FAM162B: variants seen among roughly 807,000 people sequenced by gnomAD.
FAM162B encodes family with sequence similarity 162 member B.
FAM162B carries 16 observed loss-of-function variants against 20.0 expected under a neutral mutation model. The observed-to-expected ratio is 0.80, with a 90% CI of 0.54 to 1.21. The LOEUF is 1.21. Among genes scored for constraint, FAM162B ranks in the 50% most tolerant of loss-of-function variants. The probability of loss-of-function intolerance (pLI) is 0.00; values close to 1 mark genes in which losing one functional copy is unlikely to be tolerated. For synonymous variants in FAM162B, 83 were observed against 89.7 expected, an observed-to-expected ratio of 0.93 and a Z score of 0.42; for missense variants, 260 against 227.5, an observed-to-expected ratio of 1.14 and a Z score of -0.92.
At chr6:116,753,035 G>C (rs1780010426) in intron 3 of FAM162B, among the ~76,000 whole-genome samples, 1 of 151,958 alleles carries the variant, frequency 6.6e-6, no homozygotes, top group African/African-American at 2.4e-5. Flanking sequence ...TACCTAGTGT[G>C]CATCTCACAT....
chr6:116,760,705 TCAGTC>T (rs555297416), intron 3 of FAM162B, among the ~76,000 whole-genome samples: 2 of 152,220 alleles, frequency 1.3e-5, no homozygotes, highest in South Asian at 2.1e-4. Flanking sequence ...GCTTGAGTGT[TCAGTC>T]CAGTAAACAT....
At chr6:116,759,622 C>G (rs1340115367) in intron 3 of FAM162B, among the ~76,000 whole-genome samples, 1 of 152,070 alleles carries the variant, frequency 6.6e-6, no homozygotes, top group Non-Finnish European at 1.5e-5. Context: ...TTTATTTTCA[C>G]TGGGTTTTGA....
At chr6:116,761,729 T>TAC (rs1297357715) in intron 3 of FAM162B, among the ~76,000 whole-genome samples, 2 of 132,376 alleles carry the variant, frequency 1.5e-5, no homozygotes, top group African/African-American at 5.3e-5. Flanking sequence ...TATATACTTA[T>TAC]ATATACACAC....
chr6:116,765,353 C>T (rs1771890056), intron 1 of FAM162B, 52 bp downstream of exon 1: 1 of 1,515,992 alleles, frequency 6.6e-7, no homozygotes, highest in Non-Finnish European at 8.9e-7. Flanking sequence ...CCCTCGCTGC[C>T]CTCCCGCAAC....
At position 116,765,710 on chromosome 6, in the gene FAM162B, T is replaced by C. The variant is rs1582438654; in HGVS notation, c.-134A>G. ...GACGTGCAGCTGGAACCCCTGGCGCTCGCACACTCAGCTCGCTATCCCCGT... is the reference window on the plus strand; with the variant it reads ...GACGTGCAGCTGGAACCCCTGGCGCCCGCACACTCAGCTCGCTATCCCCGT... On this transcript the variant is annotated 5_prime_UTR_variant, in exon 1 of 4. Coordinates refer to ENST00000368557, the MANE Select transcript of FAM162B (RefSeq NM_001085480.3). 13 of 1,043,754 alleles carry C rather than the reference T, an allele frequency of 1.2e-5. No individual in the cohort carries two copies. The East Asian group carries it at 4.2e-4, about 34-fold the overall frequency. 64.7% of individuals were successfully genotyped at this position (1,043,754 alleles called of 1,614,324 possible).
chr6:116,762,557 A>G (rs548101), intron 2 of FAM162B, among the ~76,000 whole-genome samples: 71,747 of 151,506 alleles, frequency 0.47, 17,408 homozygotes, highest in Middle Eastern at 0.63. Context: ...TTGTCCCTTC[A>G]CATGCTACCC....
intron 2 of FAM162B, among the ~76,000 whole-genome samples, chr6:116,764,861 G>C (rs1171086076): frequency 6.6e-6 from 1 of 152,184 alleles, no homozygotes; most frequent in African/African-American, 2.4e-5. Context: ...CTCCCAGTTC[G>C]GAGCTTGCTG....
At chr6:116,757,770 A>G (rs147392830) in intron 3 of FAM162B, among the ~76,000 whole-genome samples, 15 of 148,942 alleles carry the variant, frequency 1.0e-4, no homozygotes, top group South Asian at 2.2e-4. Context: ...AAAAAAAAAA[A>G]GGGGTGGGGT....
chr6:116,760,927 A>G (rs1316726239), intron 3 of FAM162B, among the ~76,000 whole-genome samples: 4 of 152,216 alleles, frequency 2.6e-5, no homozygotes, highest in Non-Finnish European at 5.9e-5. Context: ...AAATACGCCC[A>G]GAGAGTGAGG....
Position 116,762,066 on chromosome 6 carries a change from C to T in FAM162B, c.301G>A (p.Ala101Thr), listed in dbSNP as rs1468062485. 3.8e-6 allele frequency: 6 copies of T among 1,587,690 alleles called. No individual in the cohort carries two copies. The highest frequency in any genetic ancestry group is 3.4e-5 in the Admixed American group (2 of 59,378). ...PRIPPEMIDT[A>T]RNKARVKACY... ...GCTTTCACTCGAGCTTTGTTTCTTG[C>T]GGTGTCTATCATTTCTGGCCTAAAC... Residue 101 changes from alanine (A) to threonine (T), a missense_variant, in exon 3 of 4, where the codon GCA becomes ACA. By Grantham distance (58) the Ala-to-Thr change is moderately conservative. Coordinates refer to ENST00000368557, the MANE Select transcript of FAM162B (RefSeq NM_001085480.3).
rs10556522 is a variant in FAM162B at position 116,752,711 on chromosome 6, A to AATAT, written c.391-20_391-17dup. On this transcript the variant is annotated splice_polypyrimidine_tract_variant and intron_variant, in intron 3 of 3. Transcript: ENST00000368557. ...GTTCTACAGCCTGTGGGGGGGAAGA[A>AATAT]ATATATATATATATATATATATAGA... 6.8e-4 allele frequency: 329 copies of AATAT among 481,378 alleles called. 2 individuals are homozygous for AATAT. Among genetic ancestry groups the AATAT allele is most frequent in the Middle Eastern group, 3.3e-3 (5 of 1,518 alleles). 29.8% of individuals were successfully genotyped at this position (481,378 alleles called of 1,614,324 possible). A position where few individuals can be genotyped will look rare whatever the true frequency, so the allele number is the denominator to read the frequency against.
chr6:116,753,342 T>C (rs1050738391), intron 3 of FAM162B, among the ~76,000 whole-genome samples: 2 of 152,180 alleles, frequency 1.3e-5, no homozygotes, highest in East Asian at 3.8e-4. Context: ...GAAAAATGAA[T>C]TGGAGACAGG....
intron 2 of FAM162B, among the ~76,000 whole-genome samples, chr6:116,764,123 T>C (rs1189673352): frequency 6.6e-6 from 1 of 152,174 alleles, no homozygotes; most frequent in Non-Finnish European, 1.5e-5. Flanking sequence ...CCTAGCTATC[T>C]GAGATGCTTT....
Position 116,765,707 on chromosome 6 carries a change from C to A in FAM162B, c.-131G>T. On this transcript the variant is annotated 5_prime_UTR_variant, in exon 1 of 4. Transcript: ENST00000368557. ...TGGGACGTGCAGCTGGAACCCCTGG[C>A]GCTCGCACACTCAGCTCGCTATCCC... The A allele has an allele frequency of 9.5e-7, 1 of 1,051,822 alleles. No homozygotes were observed. 65.2% of individuals were successfully genotyped at this position (1,051,822 alleles called of 1,614,324 possible). A position where few individuals can be genotyped will look rare whatever the true frequency, so the allele number is the denominator to read the frequency against.
chr6:116,765,530 G>A lies in FAM162B; in HGVS notation c.47C>T (p.Thr16Ile). ...AGGCGCCCCGGGGCCGCAGCGGACT[G>A]TTAGCCCGCGGCCAAGGCGCAGTAG... ...GSLLRLGRGL[T>I]VRCGPGAPLE... is the part of the protein sequence containing the mutation. The change falls in exon 1 of 4, where the codon ACA (threonine) becomes ATA (isoleucine). Residue 16 changes from threonine to isoleucine, a missense_variant. Physicochemically the swap from Thr to Ile is moderately conservative, Grantham distance 89. Transcript: ENST00000368557. 7.2e-7 allele frequency: 1 copy of A among 1,392,518 alleles called. No individual in the cohort carries two copies. Among genetic ancestry groups the A allele is most frequent in the Non-Finnish European group, 9.2e-7 (1 of 1,081,588 alleles). The allele number at this position is 1,392,518 out of a possible 1,614,324, so 86.3% of individuals were successfully genotyped here. A position where few individuals can be genotyped will look rare whatever the true frequency, so the allele number is the denominator to read the frequency against.
intron 3 of FAM162B, among the ~76,000 whole-genome samples, chr6:116,757,345 C>CA (rs1780062088): frequency 6.6e-6 from 1 of 152,082 alleles, no homozygotes; most frequent in Non-Finnish European, 1.5e-5. Flanking sequence ...TAAAGCATTT[C>CA]AGTTGTATTG....
chr6:116,752,746 A>G (rs755603037), intron 3 of FAM162B, 51 bp from the exon 4 acceptor site: 5 of 449,102 alleles, frequency 1.1e-5, no homozygotes, highest in South Asian at 6.3e-5. Context: ...ATACACGTAT[A>G]TATATATATA....
chr6:116,755,061 T>C (rs528914727), intron 3 of FAM162B, among the ~76,000 whole-genome samples: 30 of 152,320 alleles, frequency 2.0e-4, no homozygotes, highest in Admixed American at 1.5e-3. Context: ...GGCCAATTAA[T>C]AACCCTATAA....
Position 116,752,733 on chromosome 6 carries a change from T to G in FAM162B, c.391-38A>C, listed in dbSNP as rs1270553360. ...AGAAATATATATATATATATATATA[T>G]AGATACACGTATATATATATATATA... On this transcript the variant is annotated intron_variant, in intron 3 of 3. Transcript: ENST00000368557. The G allele has an allele frequency of 2.6e-5, 14 of 529,756 alleles. 1 individual carries two copies. Among genetic ancestry groups the G allele is most frequent in the African/African-American group, 1.3e-4 (5 of 37,474 alleles). The allele number at this position is 529,756 out of a possible 1,614,324, so 32.8% of individuals were successfully genotyped here. A position where few individuals can be genotyped will look rare whatever the true frequency, so the allele number is the denominator to read the frequency against.
Sources: gnomAD v4.1 joint callset for allele counts (sites outside exome capture counted in the v4.1 genomes callset) on GRCh38, gnomAD v4.1.1 for gene constraint, MANE v1.5 for transcripts, NCBI Gene and HGNC (gene_info 2026-07-23, HGNC 2026-07-21) for gene names.